The following AFF2 variants were observed in gnomAD, a reference collection of about 807,000 sequenced individuals.
AFF2 encodes the protein AF4/FMR2 family member 2.
Under a neutral mutation model 76.9 loss-of-function variants are expected in AFF2, and 14 were observed. The ratio of observed to expected loss-of-function variants is 0.18; its 90% CI spans 0.12 to 0.28. The LOEUF (loss-of-function observed/expected upper bound fraction) is 0.28, where lower values mean the gene tolerates loss of function less well. Among genes scored for constraint, AFF2 ranks in the 10% least tolerant of loss-of-function variants. The pLI, the probability that AFF2 is intolerant of heterozygous loss-of-function variation, is 1.00. For missense variants in AFF2, 868 were observed against 1,001.1 expected (o/e 0.87, Z 1.79); for synonymous variants, 398 against 366.7 (o/e 1.09, Z -0.98).
At chrX:148,945,917 G>A (rs1368709197) in intron 9 of AFF2, among the ~76,000 whole-genome samples, 2 of 111,765 alleles carry the variant, frequency 1.8e-5, no homozygotes, top group Non-Finnish European at 3.8e-5. Flanking sequence ...CAGCTGTCTA[G>A]ATATGTGGCA....
At chrX:148,803,084 A>G (rs2070081599) in intron 3 of AFF2, among the ~76,000 whole-genome samples, 1 of 111,163 alleles carries the variant, frequency 9.0e-6, no homozygotes, top group African/African-American at 3.3e-5. Flanking sequence ...CAGTACTAGG[A>G]CTTTGGGACA....
chrX:148,783,991 G>T (rs1440626067), intron 3 of AFF2, among the ~76,000 whole-genome samples: 8 of 111,766 alleles, frequency 7.2e-5, no homozygotes, highest in Admixed American at 6.7e-4. Flanking sequence ...CTCCTCCTTA[G>T]CTTTCTATAG....
At position 148,995,498 on chromosome X, in the gene AFF2, T is replaced by C. The variant is rs868989604; in HGVS notation, c.*4166T>C. ...GGGGGTGGGGGTGGGGGCGGGGGGGTGGGGGGTGGGGAAGCCCCACAAAGC... is the reference window on the plus strand; with the variant it reads ...GGGGGTGGGGGTGGGGGCGGGGGGGCGGGGGGTGGGGAAGCCCCACAAAGC... On this transcript the variant is annotated 3_prime_UTR_variant, in exon 21 of 21. Coordinates refer to ENST00000370460, the MANE Select transcript of AFF2 (RefSeq NM_002025.4). The C allele has an allele frequency of 4.1e-4, 2 of 4,928 alleles. No homozygotes were observed. The highest frequency in any genetic ancestry group is 1.5e-3 in the African/African-American group (2 of 1,323). 0.4% of individuals were successfully genotyped at this position (4,928 alleles called of 1,213,427 possible). A position where few individuals can be genotyped will look rare whatever the true frequency, so the allele number is the denominator to read the frequency against.
chrX:148,831,805 T>C (rs1557273351), intron 4 of AFF2, among the ~76,000 whole-genome samples: 2 of 112,273 alleles, frequency 1.8e-5, no homozygotes, highest in East Asian at 5.6e-4. Flanking sequence ...ATTCCCCCTT[T>C]TCTGGCTCCT....
intron 3 of AFF2, among the ~76,000 whole-genome samples, chrX:148,709,662 C>T (rs1334230108): frequency 1.8e-5 from 2 of 112,108 alleles, no homozygotes; most frequent in Non-Finnish European, 3.8e-5. Context: ...GTGAGATACA[C>T]ACATACACAC....
At chrX:148,949,075 C>G (rs1471520031) in intron 9 of AFF2, among the ~76,000 whole-genome samples, 1 of 111,035 alleles carries the variant, frequency 9.0e-6, no homozygotes, top group Non-Finnish European at 1.9e-5. Context: ...CAGGGCAGAC[C>G]TGCACATTGT....
At chrX:148,869,057 A>G (rs2070941092) in intron 7 of AFF2, among the ~76,000 whole-genome samples, 1 of 112,737 alleles carries the variant, frequency 8.9e-6, no homozygotes, top group African/African-American at 3.2e-5. Context: ...AACTTCTGAC[A>G]CATTCTACAA....
chrX:148,713,600 A>G (rs2124532162), intron 3 of AFF2, among the ~76,000 whole-genome samples: 1 of 111,923 alleles, frequency 8.9e-6, no homozygotes, highest in Non-Finnish European at 1.9e-5. Context: ...CTGAAAAATA[A>G]ATTATGTTCC....
At chrX:148,545,885 C>A (rs1309889525) in intron 1 of AFF2, among the ~76,000 whole-genome samples, 3 of 111,284 alleles carry the variant, frequency 2.7e-5, no homozygotes, top group Non-Finnish European at 5.7e-5. Context: ...GCAGGTGCTG[C>A]GTGATTAATG....
At chrX:148,678,504 C>A (rs1272788860) in intron 3 of AFF2, among the ~76,000 whole-genome samples, 1 of 111,588 alleles carries the variant, frequency 9.0e-6, no homozygotes, top group African/African-American at 3.3e-5. Flanking sequence ...CTCTGCAAAG[C>A]CAGCCAGTCC....
rs782643104 is a variant in AFF2 at position 148,997,905 on chromosome X, C to T, written c.*6573C>T. ...CCATCTCAAGACAATTTGTCAAATA[C>T]TTAATTTTCTTCCTGGATGATTCTA... On this transcript the variant is annotated 3_prime_UTR_variant, in exon 21 of 21. Coordinates refer to ENST00000370460, the MANE Select transcript of AFF2 (RefSeq NM_002025.4). 1 of 112,503 alleles carries T rather than the reference C, an allele frequency of 8.9e-6. No homozygotes were observed. Among genetic ancestry groups the T allele is most frequent in the South Asian group, 3.7e-4 (1 of 2,712 alleles). The allele number at this position is 112,503 out of a possible 1,213,427, so 9.3% of individuals were successfully genotyped here.
intron 3 of AFF2, among the ~76,000 whole-genome samples, chrX:148,708,784 G>T (rs2054920549): frequency 1.8e-5 from 2 of 112,359 alleles, no homozygotes; most frequent in Non-Finnish European, 3.8e-5. Flanking sequence ...ATTCTATTTT[G>T]AAGTCTGAAG....
chrX:148,767,454 A>C lies in AFF2; in HGVS notation c.1042-42422A>C, dbSNP rs782105029. 3.6e-5 allele frequency among the ~76,000 whole-genome samples: 4 copies of C among 111,846 alleles called. No individual in the cohort carries two copies. The South Asian group carries it at 1.1e-3, about 32-fold the overall frequency. ...ACAAAGCATTTCAAATGATAGACTC[A>C]AAAGAGCACTTTCAATTGAGATATT... On this transcript the variant is annotated intron_variant, in intron 3 of 20. Coordinates refer to ENST00000370460, the MANE Select transcript of AFF2 (RefSeq NM_002025.4).
chrX:148,969,921 C>T (rs2072228992), intron 15 of AFF2, among the ~76,000 whole-genome samples: 1 of 111,358 alleles, frequency 9.0e-6, no homozygotes, highest in Non-Finnish European at 1.9e-5. Flanking sequence ...CATAACTTGG[C>T]TATTAATTGG....
intron 1 of AFF2, among the ~76,000 whole-genome samples, chrX:148,600,564 A>T (rs1557247936): frequency 8.9e-6 from 1 of 112,331 alleles, no homozygotes; most frequent in Non-Finnish European, 1.9e-5. Flanking sequence ...AGTACTTAGG[A>T]CGTCAGCTTA....
Position 148,565,175 on chromosome X carries a change from T to C in AFF2, c.47+64031T>C, listed in dbSNP as rs17278415. ...GCTTTGTGACTGCAGCCAAAGATTA[T>C]ACCATATTATATTAGTTGAATGGTT... On this transcript the variant is annotated intron_variant, in intron 1 of 20. Transcript: ENST00000370460. Among the ~76,000 whole-genome samples, 565 of 111,867 alleles carry C rather than the reference T, an allele frequency of 5.1e-3. 10 individuals carry two copies. In the East Asian group the frequency reaches 0.068, roughly 14 times the overall value.
At chrX:148,853,669 C>T (rs2070756499) in intron 7 of AFF2, among the ~76,000 whole-genome samples, 1 of 111,680 alleles carries the variant, frequency 9.0e-6, no homozygotes, top group Non-Finnish European at 1.9e-5. Flanking sequence ...TAGTTGAGTG[C>T]TATTTTTGCT....
chrX:148,839,944 T>C (rs2070578606), intron 5 of AFF2, among the ~76,000 whole-genome samples: 1 of 109,125 alleles, frequency 9.2e-6, no homozygotes, highest in African/African-American at 3.3e-5. Flanking sequence ...TGTATGTGTA[T>C]ACACTATATA....
At chrX:148,979,029 G>A (rs1404378436) in intron 18 of AFF2, among the ~76,000 whole-genome samples, 1 of 111,769 alleles carries the variant, frequency 8.9e-6, no homozygotes, top group East Asian at 2.8e-4. Context: ...ATCTCAAAAT[G>A]CAACGCCAAA....
Sources: allele counts gnomAD v4.1 joint callset (sites outside exome capture counted in the v4.1 genomes callset), GRCh38; gene constraint gnomAD v4.1.1; transcripts MANE v1.5; gene names NCBI Gene and HGNC (gene_info 2026-07-23, HGNC 2026-07-21).